Variants in NMRK1 observed in about 807,000 individuals in gnomAD.
NMRK1 encodes the protein NRK 1.
In NMRK1, 28 loss-of-function variants were observed where a neutral mutation model predicts 29.9. The ratio of observed to expected loss-of-function variants is 0.94; its 90% CI spans 0.69 to 1.28. NMRK1 has a LOEUF of 1.28. NMRK1 is among the 50% of genes most tolerant of loss of function. The pLI is 0.00. For synonymous variants in NMRK1, 58 were observed against 73.0 expected (o/e 0.79, Z 1.05); for missense variants, 218 against 233.1 (o/e 0.94, Z 0.42).
intron 8 of NMRK1, among the ~76,000 whole-genome samples, chr9:75,062,014 T>C (rs1335199379): frequency 6.6e-6 from 1 of 152,244 alleles, no homozygotes. Context: ...CACATTCTTA[T>C]TACACAGCTG....
At position 75,069,782 on chromosome 9, in the gene NMRK1, A is replaced by G; in HGVS notation, c.349T>C (p.Phe117Leu). ...CATTCTTCATATGGAATAGTCAGGA[A>G]ATAGCTTCTATTCCATATAGTGTCA... ...PLDTIWNRSYFLTIPYEECKR... is the reference protein window; with the variant it reads ...PLDTIWNRSYLLTIPYEECKR... Residue 117 changes from phenylalanine (F) to leucine (L), a missense_variant, in exon 6 of 9, where the codon TTC (phenylalanine) becomes CTC (leucine). By Grantham distance (22) the Phe-to-Leu change is conservative. Coordinates refer to ENST00000361092, the MANE Select transcript of NMRK1 (RefSeq NM_017881.3). The G allele has an allele frequency of 6.2e-7, 1 of 1,612,644 alleles. No homozygotes were observed. The highest frequency in any genetic ancestry group is 8.5e-7 in the Non-Finnish European group (1 of 1,179,166).
chr9:75,067,698 G>A (rs1202708226), intron 7 of NMRK1, among the ~76,000 whole-genome samples: 1 of 152,182 alleles, frequency 6.6e-6, no homozygotes. Context: ...TAGGTAAAAG[G>A]GAGAGAAGGG....
intron 4 of NMRK1, among the ~76,000 whole-genome samples, chr9:75,071,839 T>C (rs1823717731): frequency 6.6e-6 from 1 of 152,088 alleles, no homozygotes; most frequent in Admixed American, 6.5e-5. Context: ...TGACACGCCC[T>C]GAGTAAGGAA....
intron 3 of NMRK1, 96 bp downstream of exon 3, chr9:75,077,394 A>G: frequency 9.9e-7 from 1 of 1,010,658 alleles, no homozygotes; most frequent in Non-Finnish European, 1.5e-6. Flanking sequence ...TACAAAACGT[A>G]AATCTCTAGC....
rs1822964766 is a variant in NMRK1 at position 75,060,583 on chromosome 9, G to A, written c.*965C>T. The A allele has an allele frequency of 1.3e-5, 2 of 152,054 alleles. No homozygotes were observed. Among genetic ancestry groups the A allele is most frequent in the Admixed American group, 6.6e-5 (1 of 15,250 alleles). The allele number at this position is 152,054 out of a possible 1,614,324, so 9.4% of individuals were successfully genotyped here. Reference sequence around the variant, plus strand: ...AAAAAAAAGATTGAGATGGTTGTGTGTAATCTTTTTATTAATAAGCAAAAG... The same window carrying A: ...AAAAAAAAGATTGAGATGGTTGTGTATAATCTTTTTATTAATAAGCAAAAG... On this transcript the variant is annotated 3_prime_UTR_variant, in exon 9 of 9. Coordinates refer to ENST00000361092, the MANE Select transcript of NMRK1 (RefSeq NM_017881.3).
chr9:75,086,123 T>A (rs1037892415), intron 1 of NMRK1, among the ~76,000 whole-genome samples: 19 of 152,104 alleles, frequency 1.2e-4, no homozygotes, highest in Admixed American at 9.8e-4. Context: ...ACTGTGCCAC[T>A]GCATTGCAGC....
rs975219879 is a variant in NMRK1 at position 75,077,222 on chromosome 9, A to G, written c.121-15T>C. On this transcript the variant is annotated splice_polypyrimidine_tract_variant and intron_variant, in intron 3 of 8. Coordinates refer to ENST00000361092, the MANE Select transcript of NMRK1 (RefSeq NM_017881.3). ...TCAGACTCTGGCTGGAAAAATAATAAAGTACCCATCAAAACAGTGTGTAGG... is the reference window on the plus strand; with the variant it reads ...TCAGACTCTGGCTGGAAAAATAATAGAGTACCCATCAAAACAGTGTGTAGG... 1.5e-5 allele frequency: 23 copies of G among 1,570,858 alleles called. No homozygotes were observed. The highest frequency in any genetic ancestry group is 1.9e-5 in the Non-Finnish European group (22 of 1,145,198).
At chr9:75,087,390 G>C (rs963973613) in intron 1 of NMRK1, among the ~76,000 whole-genome samples, 3 of 152,030 alleles carry the variant, frequency 2.0e-5, no homozygotes, top group Non-Finnish European at 2.9e-5. Flanking sequence ...TAGATCAGGG[G>C]TAGGAAAACT....
intron 1 of NMRK1, among the ~76,000 whole-genome samples, chr9:75,085,502 T>C (rs1044403855): frequency 2.0e-5 from 3 of 151,762 alleles, no homozygotes; most frequent in Non-Finnish European, 4.4e-5. Context: ...GGGCATCTAT[T>C]TGCTGTGCAC....
intron 4 of NMRK1, among the ~76,000 whole-genome samples, chr9:75,073,640 G>A (rs113972095): frequency 0.01 from 1,561 of 152,230 alleles, 32 homozygotes; most frequent in African/African-American, 0.035. Context: ...TCAGGAGGCT[G>A]AGGCATGAGA....
chr9:75,077,454 G>T, intron 3 of NMRK1, 36 bp downstream of exon 3: 1 of 1,348,858 alleles, frequency 7.4e-7, no homozygotes, highest in Non-Finnish European at 1.1e-6. Flanking sequence ...AAACATTTTT[G>T]TATTAAATAA....
chr9:75,083,218 T>C (rs1299040007), intron 1 of NMRK1, 68 bp from the exon 2 acceptor site: 1 of 823,102 alleles, frequency 1.2e-6, no homozygotes, highest in Non-Finnish European at 2.0e-6. Context: ...GATAAAAGAA[T>C]CCTAAATTAG....
At chr9:75,085,737 T>C (rs1047891446) in intron 1 of NMRK1, among the ~76,000 whole-genome samples, 1 of 149,612 alleles carries the variant, frequency 6.7e-6, no homozygotes, top group Admixed American at 6.6e-5. Context: ...TTTTTTTTTT[T>C]TTTTTTTTTT....
At chr9:75,069,141 A>G in intron 6 of NMRK1, 39 bp from the exon 7 acceptor site, 1 of 1,364,450 alleles carries the variant, frequency 7.3e-7, no homozygotes, top group Non-Finnish European at 1.0e-6. Flanking sequence ...TGACAGAAAC[A>G]CACAATTGAT....
intron 2 of NMRK1, chr9:75,078,545 T>C (rs775398012): frequency 4.5e-4 from 570 of 1,280,718 alleles, no homozygotes; most frequent in Non-Finnish European, 5.2e-4. Flanking sequence ...CTCGATTCAG[T>C]CATTTATTGA....
At chr9:75,073,011 C>A (rs906546236) in intron 4 of NMRK1, among the ~76,000 whole-genome samples, 1 of 152,288 alleles carries the variant, frequency 6.6e-6, no homozygotes, top group East Asian at 1.9e-4. Flanking sequence ...GAGTTGAATG[C>A]GTCCCCCTAT....
At chr9:75,070,873 A>G (rs950781746) in intron 4 of NMRK1, among the ~76,000 whole-genome samples, 1 of 152,132 alleles carries the variant, frequency 6.6e-6, no homozygotes, top group Non-Finnish European at 1.5e-5. Flanking sequence ...TTTCAAATTT[A>G]TTTGTATAGC....
intron 7 of NMRK1, 73 bp from the exon 8 acceptor site, chr9:75,066,913 A>G (rs546681140): frequency 1.2e-6 from 1 of 814,462 alleles, no homozygotes; most frequent in Non-Finnish European, 2.0e-6. Flanking sequence ...TTGACACCCA[A>G]CATCTCTTGT....
chr9:75,082,147 A>C (rs959783825), intron 2 of NMRK1, among the ~76,000 whole-genome samples: 15 of 152,244 alleles, frequency 9.9e-5, no homozygotes, highest in Non-Finnish European at 2.2e-4. Flanking sequence ...TTCTGTATGA[A>C]GATTAAACTG....
Sources: gnomAD v4.1 joint callset for allele counts (sites outside exome capture counted in the v4.1 genomes callset) on GRCh38, gnomAD v4.1.1 for gene constraint, MANE v1.5 for transcripts, NCBI Gene and HGNC (gene_info 2026-07-23, HGNC 2026-07-21) for gene names.